Variants in ZNF438 observed in about 807,000 individuals in gnomAD.
The protein encoded by ZNF438 is zinc finger protein 438.
Under a neutral mutation model 38.0 loss-of-function variants are expected in ZNF438, and 25 were observed. The ratio of observed to expected loss-of-function variants is 0.66; its 90% CI spans 0.48 to 0.92. The LOEUF (loss-of-function observed/expected upper bound fraction) is 0.92. Ranked by LOEUF, ZNF438 falls within the 40% of genes least tolerant of loss-of-function variation. The probability of loss-of-function intolerance (pLI) is 0.00; values close to 1 mark genes in which losing one functional copy is unlikely to be tolerated. For missense variants in ZNF438, 1,007 were observed against 999.6 expected, an observed-to-expected ratio of 1.01 and a Z score of -0.10; for synonymous variants, 372 against 364.1, an observed-to-expected ratio of 1.02 and a Z score of -0.25.
intron 1 of ZNF438, among the ~76,000 whole-genome samples, chr10:30,972,952 AATCATC>A (rs750861405): frequency 3.9e-5 from 6 of 152,104 alleles, no homozygotes; most frequent in South Asian, 2.1e-4. Context: ...AGGGCAATTC[AATCATC>A]ATCATCATCA....
chr10:30,874,294 A>G (rs1413333489), intron 4 of ZNF438, among the ~76,000 whole-genome samples: 3 of 151,666 alleles, frequency 2.0e-5, no homozygotes, highest in African/African-American at 2.4e-5. Context: ...GACTATAGGC[A>G]TGAGCCATCA....
rs549159527 is a variant in ZNF438 at position 31,009,161 on chromosome 10, G to A, written c.-192+22672C>T. Among the ~76,000 whole-genome samples the A allele has an allele frequency of 1.1e-4, 17 of 152,178 alleles. No individual in the cohort carries two copies. In the South Asian group the frequency reaches 2.5e-3, roughly 22 times the overall value. ...TCTTTATAAATGTGGATATAAGTCC[G>A]TTATCAGATATATAATTTGCAAGTA... On this transcript the variant is annotated intron_variant, in intron 1 of 5. Transcript: ENST00000413025.
intron 3 of ZNF438, among the ~76,000 whole-genome samples, chr10:30,904,016 T>TAAA (rs71527619): frequency 9.9e-4 from 141 of 143,016 alleles, no homozygotes; most frequent in South Asian, 2.4e-3. Flanking sequence ...ATGCCACAGT[T>TAAA]AAAAAAAAAA....
chr10:30,847,255 C>T (rs1282156218), intron 5 of ZNF438, among the ~76,000 whole-genome samples: 1 of 152,172 alleles, frequency 6.6e-6, no homozygotes, highest in African/African-American at 2.4e-5. Flanking sequence ...TCCATGACTG[C>T]CCATGGACCA....
At chr10:31,012,042 T>C (rs982469187) in intron 1 of ZNF438, among the ~76,000 whole-genome samples, 8 of 152,168 alleles carry the variant, frequency 5.3e-5, no homozygotes, top group Non-Finnish European at 1.0e-4. Context: ...GACATCTGCA[T>C]TGCTGTGCCC....
intron 1 of ZNF438, among the ~76,000 whole-genome samples, chr10:31,022,996 C>T (rs1342019204): frequency 6.6e-6 from 1 of 152,058 alleles, no homozygotes; most frequent in Non-Finnish European, 1.5e-5. Flanking sequence ...GTGTCTGAGC[C>T]GACTTATAAT....
chr10:30,936,989 A>G (rs1383316566), intron 2 of ZNF438, among the ~76,000 whole-genome samples: 4 of 152,178 alleles, frequency 2.6e-5, no homozygotes, highest in Non-Finnish European at 4.4e-5. Flanking sequence ...GGGACTCCTC[A>G]GTGTGTGTAC....
chr10:30,983,218 G>A (rs1273798065), intron 1 of ZNF438, among the ~76,000 whole-genome samples: 2 of 152,192 alleles, frequency 1.3e-5, no homozygotes, highest in Non-Finnish European at 2.9e-5. Flanking sequence ...GGAGATGTCC[G>A]CAAACACCAT....
intron 5 of ZNF438, among the ~76,000 whole-genome samples, chr10:30,847,588 C>T (rs1031819270): frequency 2.7e-5 from 4 of 148,936 alleles, no homozygotes; most frequent in Non-Finnish European, 6.0e-5. Flanking sequence ...CTGAAACACG[C>T]CTCTTGCTTG....
intron 1 of ZNF438, among the ~76,000 whole-genome samples, chr10:30,988,666 A>G (rs2053128497): frequency 6.6e-6 from 1 of 152,184 alleles, no homozygotes; most frequent in Admixed American, 6.5e-5. Flanking sequence ...ATATGTTAAT[A>G]TGTTTTAGAA....
intron 1 of ZNF438, among the ~76,000 whole-genome samples, chr10:30,984,105 C>T (rs118026594): frequency 1.3e-5 from 2 of 152,190 alleles, no homozygotes; most frequent in Non-Finnish European, 2.9e-5. Context: ...ACATGCCATA[C>T]TTCTATGTCT....
rs924463349 is a variant in ZNF438, at chr10:30,872,113, C to T, written c.37+4885G>A. Among the ~76,000 whole-genome samples, 10 of 151,978 alleles carry T rather than the reference C, an allele frequency of 6.6e-5. 1 individual carries two copies. The highest frequency in any genetic ancestry group is 2.6e-4 in the Admixed American group (4 of 15,250). ...ACAAGTGACTAAGAATTGAGAGACT[C>T]GGCCAGGCACGGTGGCTCAGGCCTG... On this transcript the variant is annotated intron_variant, in intron 4 of 5. Coordinates refer to ENST00000413025, the Ensembl canonical transcript of ZNF438.
rs1564540418 is a variant in ZNF438 at position 30,874,103 on chromosome 10, G to GTGTGT, written c.37+2894_37+2895insACACA. Among the ~76,000 whole-genome samples, 19 of 16,806 alleles carry GTGTGT rather than the reference G, an allele frequency of 1.1e-3. 1 individual carries two copies. Among genetic ancestry groups the GTGTGT allele is most frequent in the African/African-American group, 6.8e-3 (19 of 2,810 alleles). The allele number at this position is 16,806 out of a possible 152,430, so 11.0% of individuals were successfully genotyped here. A position where few individuals can be genotyped will look rare whatever the true frequency, so the allele number is the denominator to read the frequency against. On this transcript the variant is annotated intron_variant, in intron 4 of 5. Transcript: ENST00000413025. ...AATATATTACGTGTGGGTGTGTGGG[G>GTGTGT]GTGTGTGTGTGTATATATATATATA...
chr10:30,849,416 G>C, exon 5 of ZNF438: 1 of 1,614,110 alleles, frequency 6.2e-7, no homozygotes, highest in Non-Finnish European at 8.5e-7. Context: ...TGTGGTGGAG[G>C]GTATCTTATC....
chr10:30,929,738 C>T (rs528446763), intron 2 of ZNF438, among the ~76,000 whole-genome samples: 1 of 152,334 alleles, frequency 6.6e-6, no homozygotes, highest in East Asian at 1.9e-4. Context: ...TGTTTACAAT[C>T]CCTGAGCTAG....
At chr10:30,963,296 G>T (rs747775759) in intron 1 of ZNF438, among the ~76,000 whole-genome samples, 11 of 150,108 alleles carry the variant, frequency 7.3e-5, no homozygotes, top group Non-Finnish European at 1.5e-4. Flanking sequence ...GGAGGCTGAG[G>T]CAGGAGAATT....
At chr10:30,849,071 G>T in exon 5 of ZNF438, 1 of 1,614,010 alleles carries the variant, frequency 6.2e-7, no homozygotes, top group Non-Finnish European at 8.5e-7. Flanking sequence ...GGCCAAAGTG[G>T]GTATGACCAT....
chr10:31,000,264 G>A (rs766116319), intron 1 of ZNF438, among the ~76,000 whole-genome samples: 13 of 152,204 alleles, frequency 8.5e-5, no homozygotes, highest in South Asian at 2.1e-4. Context: ...TCTAGCCAGC[G>A]GAGTCTCACA....
chr10:30,984,892 G>A (rs1033179588), intron 1 of ZNF438, among the ~76,000 whole-genome samples: 11 of 151,984 alleles, frequency 7.2e-5, no homozygotes, highest in Non-Finnish European at 2.9e-5. Context: ...CCCAATTTAC[G>A]GCCATTGTCC....
Sources: gnomAD v4.1 joint callset for allele counts (sites outside exome capture counted in the v4.1 genomes callset) on GRCh38, gnomAD v4.1.1 for gene constraint, MANE v1.5 for transcripts, NCBI Gene and HGNC (gene_info 2026-07-23, HGNC 2026-07-21) for gene names.